The following PIAS2 variants were observed in gnomAD, a reference collection of about 807,000 sequenced individuals.
PIAS2 encodes the protein protein inhibitor of activated STAT 2.
PIAS2 carries 19 observed loss-of-function variants against 69.7 expected under a neutral mutation model. The observed-to-expected ratio is 0.27, with a 90% CI of 0.19 to 0.40. The LOEUF (loss-of-function observed/expected upper bound fraction) is 0.40, where lower values mean the gene tolerates loss of function less well. PIAS2 is among the 10% of genes least tolerant of loss of function. The pLI, the probability that PIAS2 is intolerant of heterozygous loss-of-function variation, is 1.00. For missense variants in PIAS2, 624 were observed against 757.0 expected (o/e 0.82, Z 2.06); for synonymous variants, 261 against 263.2 (o/e 0.99, Z 0.08).
intron 1 of PIAS2, among the ~76,000 whole-genome samples, chr18:46,895,424 A>G (rs1213288008): frequency 6.6e-6 from 1 of 152,196 alleles, no homozygotes; most frequent in Admixed American, 6.5e-5. Flanking sequence ...TAACCCCAGC[A>G]CTTCGGGAGG....
Position 46,891,093 on chromosome 18 carries a change from T to C in PIAS2, c.25-39A>G, listed in dbSNP as rs2054011382. 4 of 1,371,728 alleles carry C rather than the reference T, an allele frequency of 2.9e-6. No homozygotes were observed. The Admixed American group carries it at 8.5e-5, about 29-fold the overall frequency. The allele number at this position is 1,371,728 out of a possible 1,614,324, so 85.0% of individuals were successfully genotyped here. Reference sequence around the variant, plus strand: ...AAAAAAAACATAAGCCAAGTCACCCTCAAGCATACAAAAATCCTATCTAAA... The same window carrying C: ...AAAAAAAACATAAGCCAAGTCACCCCCAAGCATACAAAAATCCTATCTAAA... On this transcript the variant is annotated intron_variant, in intron 1 of 13. Transcript: ENST00000585916.
At chr18:46,897,947 C>T (rs1284297104) in intron 1 of PIAS2, among the ~76,000 whole-genome samples, 2 of 151,678 alleles carry the variant, frequency 1.3e-5, no homozygotes, top group Non-Finnish European at 2.9e-5. Context: ...TCTTGGCTCT[C>T]TGCAGCCTCA....
intron 11 of PIAS2, among the ~76,000 whole-genome samples, chr18:46,824,175 C>T (rs1041458428): frequency 2.6e-5 from 4 of 152,032 alleles, no homozygotes; most frequent in African/African-American, 7.2e-5. Context: ...ATTAGTATTC[C>T]GGATTATATG....
At chr18:46,906,227 T>C (rs1404541766) in intron 1 of PIAS2, 7 of 152,140 alleles carry the variant, frequency 4.6e-5, no homozygotes, top group African/African-American at 1.7e-4. Context: ...CATACTTAAC[T>C]GTGAAACTTT....
rs1194821464 is a variant in PIAS2 at position 46,887,148 on chromosome 18, ACACT to A, written c.499+3428_499+3431del. ...CAAACAAATAATAAAACATGAACAA[ACACT>A]CAATCCTTATTTCAAAGTGAACGTA... On this transcript the variant is annotated intron_variant, in intron 2 of 13. Coordinates refer to ENST00000585916, the MANE Select transcript of PIAS2 (RefSeq NM_004671.5). 5.9e-5 allele frequency among the ~76,000 whole-genome samples: 9 copies of A among 152,296 alleles called. No individual in the cohort carries two copies. The South Asian group carries it at 1.2e-3, about 21-fold the overall frequency.
chr18:46,917,588 C>T, upstream of PIAS2: 1 of 1,045,524 alleles, frequency 9.6e-7, no homozygotes, highest in East Asian at 7.4e-5. Flanking sequence ...CGACCGCCTT[C>T]CGCCCGCGCC....
At chr18:46,895,622 G>A (rs1399465040) in intron 1 of PIAS2, among the ~76,000 whole-genome samples, 1 of 152,162 alleles carries the variant, frequency 6.6e-6, no homozygotes, top group Non-Finnish European at 1.5e-5. Context: ...GGTGAGCGGA[G>A]ATCACACTAC....
intron 5 of PIAS2, among the ~76,000 whole-genome samples, chr18:46,849,556 T>C (rs939039983): frequency 1.3e-5 from 2 of 151,960 alleles, no homozygotes; most frequent in African/African-American, 2.4e-5. Context: ...TTTGTGGTAG[T>C]ACTGTGACAC....
rs571847167 is a variant in PIAS2 at position 46,811,991 on chromosome 18, A to G, written c.*442T>C. ...TCAGCAAACATTAAGTTCTTTCCATATATTTTTTTTCCTTCACGTAAGGTT... is the reference window on the plus strand; with the variant it reads ...TCAGCAAACATTAAGTTCTTTCCATGTATTTTTTTTCCTTCACGTAAGGTT... On this transcript the variant is annotated 3_prime_UTR_variant, in exon 14 of 14. Coordinates refer to ENST00000585916, the MANE Select transcript of PIAS2 (RefSeq NM_004671.5). The G allele has an allele frequency of 1.3e-5, 2 of 153,450 alleles. No homozygotes were observed. Among genetic ancestry groups the G allele is most frequent in the Admixed American group, 1.3e-4 (2 of 15,430 alleles). The allele number at this position is 153,450 out of a possible 1,614,324, so 9.5% of individuals were successfully genotyped here.
chr18:46,824,120 T>C (rs2042516533), intron 11 of PIAS2, among the ~76,000 whole-genome samples: 1 of 152,338 alleles, frequency 6.6e-6, no homozygotes, highest in African/African-American at 2.4e-5. Context: ...ATCCATAATA[T>C]CACAGCACAA....
At chr18:46,888,865 T>C (rs2053623060) in intron 2 of PIAS2, among the ~76,000 whole-genome samples, 1 of 152,188 alleles carries the variant, frequency 6.6e-6, no homozygotes, top group South Asian at 2.1e-4. Flanking sequence ...TAACAGGCTG[T>C]GGACTGGTGC....
In PIAS2 at chr18:46,897,974, T is replaced by G. The variant is rs1280265320; in HGVS notation, c.25-6920A>C. Among the ~76,000 whole-genome samples, 9 of 152,000 alleles carry G rather than the reference T, an allele frequency of 5.9e-5. No homozygotes were observed. The East Asian group carries it at 1.5e-3, about 26-fold the overall frequency. On this transcript the variant is annotated intron_variant, in intron 1 of 13. Transcript: ENST00000585916. Reference sequence around the variant, plus strand: ...GCAGCCTCAACCTCCCAGGCTCAAGTGATCCTCCCACCTCGGCCTCCAGAG... The same window carrying G: ...GCAGCCTCAACCTCCCAGGCTCAAGGGATCCTCCCACCTCGGCCTCCAGAG...
chr18:46,902,845 G>A (rs2056087751), intron 1 of PIAS2, among the ~76,000 whole-genome samples: 2 of 152,144 alleles, frequency 1.3e-5, no homozygotes, highest in African/African-American at 4.8e-5. Context: ...CAGACTGCAT[G>A]GTATTAGTGG....
At chr18:46,916,403 T>TAAA (rs34185543) in intron 1 of PIAS2, among the ~76,000 whole-genome samples, 25 of 147,020 alleles carry the variant, frequency 1.7e-4, no homozygotes, top group African/African-American at 5.5e-4. Flanking sequence ...TTGATACATT[T>TAAA]AAAAAAAAAA....
At chr18:46,826,259 TC>T (rs1203824445) in intron 11 of PIAS2, among the ~76,000 whole-genome samples, 1 of 152,244 alleles carries the variant, frequency 6.6e-6, no homozygotes, top group East Asian at 1.9e-4. Flanking sequence ...CTATCCTTAT[TC>T]CTCTGCATAC....
chr18:46,899,730 G>T (rs1326864903), intron 1 of PIAS2, among the ~76,000 whole-genome samples: 1 of 152,140 alleles, frequency 6.6e-6, no homozygotes, highest in Non-Finnish European at 1.5e-5. Context: ...GCCTCTAAAA[G>T]TGCATAAGCC....
rs1281968317 is a variant in PIAS2, at chr18:46,890,970, G to A, written c.109C>T (p.Leu37Phe). 2 of 1,614,100 alleles carry A rather than the reference G, an allele frequency of 1.2e-6. No individual in the cohort carries two copies. Among genetic ancestry groups the A allele is most frequent in the Non-Finnish European group, 1.7e-6 (2 of 1,180,012 alleles). ...GRNKSGRKHD[L>F]LMRALHLLKS... ...AATAAATGCAGCGCCCTCATCAGGA[G>A]GTCATGCTTGCGTCCACTTTTATTC... Residue 37 changes from leucine (L) to phenylalanine (F), a missense_variant, in exon 2 of 14, where the codon CTC becomes TTC. Leu to Phe is a conservative substitution (Grantham distance 22). Transcript: ENST00000585916.
chr18:46,887,396 A>G (rs2053386865), intron 2 of PIAS2, among the ~76,000 whole-genome samples: 1 of 152,224 alleles, frequency 6.6e-6, no homozygotes, highest in Non-Finnish European at 1.5e-5. Flanking sequence ...GTAAAAAAGC[A>G]CACTGATATG....
chr18:46,885,297 C>T (rs1188931561), intron 2 of PIAS2, among the ~76,000 whole-genome samples: 7 of 151,926 alleles, frequency 4.6e-5, no homozygotes, highest in African/African-American at 1.7e-4. Context: ...AGTGGGCAGA[C>T]CACGAGGTCA....
Sources: gnomAD v4.1 joint callset for allele counts (sites outside exome capture counted in the v4.1 genomes callset) on GRCh38, gnomAD v4.1.1 for gene constraint, MANE v1.5 for transcripts, NCBI Gene and HGNC (gene_info 2026-07-23, HGNC 2026-07-21) for gene names.